OTOP1: variants seen among roughly 807,000 people sequenced by gnomAD.
OTOP1 encodes the protein otopetrin 1, also known as proton channel OTOP1.
Under a neutral mutation model 52.9 loss-of-function variants are expected in OTOP1, and 59 were observed. That is an observed-to-expected ratio of 1.12 (90% CI 0.91 to 1.39). OTOP1 has a LOEUF of 1.39. Among genes scored for constraint, OTOP1 ranks in the 40% most tolerant of loss-of-function variants. The probability of loss-of-function intolerance (pLI) is 0.00; values close to 1 mark genes in which losing one functional copy is unlikely to be tolerated. For synonymous variants in OTOP1, 317 were observed against 337.7 expected (o/e 0.94, Z 0.67); for missense variants, 761 against 800.9 (o/e 0.95, Z 0.60).
At chr4:4,211,506 A>G (rs1463336831) in intron 2 of OTOP1, among the ~76,000 whole-genome samples, 1 of 152,226 alleles carries the variant, frequency 6.6e-6, no homozygotes, top group African/African-American at 2.4e-5. Flanking sequence ...TCTGGAGGAC[A>G]TTGTGCTCAG....
chr4:4,204,736 G>A (rs908074568), intron 3 of OTOP1, among the ~76,000 whole-genome samples: 6 of 151,342 alleles, frequency 4.0e-5, no homozygotes, highest in African/African-American at 1.2e-4. Flanking sequence ...GTGTGTGTGT[G>A]TGTGTGTGTG....
chr4:4,211,727 A>C (rs1717031012), intron 2 of OTOP1, among the ~76,000 whole-genome samples: 1 of 152,092 alleles, frequency 6.6e-6, no homozygotes, highest in South Asian at 2.1e-4. Flanking sequence ...GCACCACTGC[A>C]CTCCACCCTG....
chr4:4,216,214 G>A (rs1394974683), intron 1 of OTOP1, among the ~76,000 whole-genome samples: 1 of 152,076 alleles, frequency 6.6e-6, no homozygotes, highest in Admixed American at 6.6e-5. Context: ...TAATGAGCAT[G>A]GTTTTGCCCA....
In OTOP1 at chr4:4,206,052, C is replaced by T; in HGVS notation, c.599+20G>A. The T allele has an allele frequency of 6.3e-7, 1 of 1,581,120 alleles. No homozygotes were observed. Among genetic ancestry groups the T allele is most frequent in the East Asian group, 2.2e-5 (1 of 44,658 alleles). ...TGAATGCCAAATTCAACATATAAAG[C>T]AATTACCCACAATTTTTACCTTTCC... On this transcript the variant is annotated intron_variant, in intron 3 of 5. Coordinates refer to ENST00000296358, the MANE Select transcript of OTOP1 (RefSeq NM_177998.3).
chr4:4,226,450 G>C lies in OTOP1; in HGVS notation c.403+12C>G. The stretch of plus-strand genomic sequence containing the variant: ...GGAGGCGGAGACCCGCTCGCCCGGC[G>C]CCTGGACTCACCGCGCAGCCAGCCG... On this transcript the variant is annotated intron_variant, in intron 1 of 5. Transcript: ENST00000296358. The C allele has an allele frequency of 6.8e-7, 1 of 1,460,694 alleles. No individual in the cohort carries two copies. Among genetic ancestry groups the C allele is most frequent in the Non-Finnish European group, 9.0e-7 (1 of 1,112,368 alleles). The allele number at this position is 1,460,694 out of a possible 1,614,324, so 90.5% of individuals were successfully genotyped here.
chr4:4,213,854 C>A (rs1242929038), intron 1 of OTOP1, among the ~76,000 whole-genome samples: 1 of 152,076 alleles, frequency 6.6e-6, no homozygotes, highest in Admixed American at 6.6e-5. Flanking sequence ...CTTTGGGAGG[C>A]CGAGGAGTGT....
At chr4:4,220,071 ATATG>A (rs1446728589) in intron 1 of OTOP1, among the ~76,000 whole-genome samples, 7 of 122,810 alleles carry the variant, frequency 5.7e-5, no homozygotes, top group Admixed American at 9.9e-5. Flanking sequence ...ATATACATAT[ATATG>A]TATACATATA....
chr4:4,198,902 C>T (rs1208052176), intron 4 of OTOP1, among the ~76,000 whole-genome samples: 4 of 152,172 alleles, frequency 2.6e-5, no homozygotes, highest in Non-Finnish European at 2.9e-5. Flanking sequence ...ATCAAAGAGT[C>T]AGGTAAGGCC....
At chr4:4,213,527 G>C (rs1717068437) in intron 1 of OTOP1, among the ~76,000 whole-genome samples, 1 of 152,124 alleles carries the variant, frequency 6.6e-6, no homozygotes, top group Non-Finnish European at 1.5e-5. Flanking sequence ...ATACAGATTT[G>C]TTTACATTAA....
At chr4:4,195,730 C>T (rs1291503425) in intron 5 of OTOP1, among the ~76,000 whole-genome samples, 1 of 152,206 alleles carries the variant, frequency 6.6e-6, no homozygotes, top group Non-Finnish European at 1.5e-5. Context: ...CTATCACTTG[C>T]AACCAAAAGC....
chr4:4,225,882 G>T (rs1382079506), intron 1 of OTOP1, among the ~76,000 whole-genome samples: 2 of 152,338 alleles, frequency 1.3e-5, no homozygotes, highest in East Asian at 3.9e-4. Context: ...AAGCCGGGAG[G>T]AGAAGGGGGT....
intron 5 of OTOP1, among the ~76,000 whole-genome samples, 186 bp from the exon 6 acceptor site, chr4:4,189,159 C>T (rs1716449244): frequency 6.6e-6 from 1 of 152,194 alleles, no homozygotes; most frequent in South Asian, 2.1e-4. Context: ...TCCATGTCTG[C>T]CATGATCCTG....
intron 2 of OTOP1, among the ~76,000 whole-genome samples, chr4:4,207,339 A>C (rs981920218): frequency 5.3e-5 from 8 of 152,210 alleles, no homozygotes; most frequent in Non-Finnish European, 8.8e-5. Context: ...CCAACATTGA[A>C]AACTTTTTTT....
intron 1 of OTOP1, among the ~76,000 whole-genome samples, chr4:4,213,795 A>T (rs1717077109): frequency 6.6e-6 from 1 of 152,138 alleles, no homozygotes. Flanking sequence ...ATTCTTATAT[A>T]TTAACAACAA....
rs777204439 is a variant in OTOP1 at position 4,202,577 on chromosome 4, A to C, written c.601T>G (p.Phe201Val). The change falls in exon 4 of 6, where the codon TTT (phenylalanine) becomes GTT (valine). Residue 201 changes from phenylalanine (F) to valine (V), a missense_variant and splice_region_variant. Physicochemically the swap from Phe to Val is conservative, Grantham distance 50. Coordinates refer to ENST00000296358, the MANE Select transcript of OTOP1 (RefSeq NM_177998.3). Reference sequence around the variant, plus strand: ...GTGAACACCGAGTGGATCACTCCAAACCTGAAAAACACAAGGACTCAGTTC... The same window carrying C: ...GTGAACACCGAGTGGATCACTCCAACCCTGAAAAACACAAGGACTCAGTTC... ...IIQSFKTLERFGVIHSVFTNL... is the reference protein window; with the variant it reads ...IIQSFKTLERVGVIHSVFTNL... 1.2e-6 allele frequency: 2 copies of C among 1,613,546 alleles called. No homozygotes were observed. The highest frequency in any genetic ancestry group is 1.7e-6 in the Non-Finnish European group (2 of 1,179,628).
chr4:4,220,105 A>ATATTTTT (rs1434375771), intron 1 of OTOP1, among the ~76,000 whole-genome samples: 2 of 59,396 alleles, frequency 3.4e-5, no homozygotes, highest in African/African-American at 5.1e-5. Context: ...ATATATATAT[A>ATATTTTT]TTTTTTTTTT....
chr4:4,212,949 T>A lies in OTOP1; in HGVS notation c.459A>T (p.Gly153=). The A allele has an allele frequency of 1.2e-6, 2 of 1,614,056 alleles. No individual in the cohort carries two copies. The highest frequency in any genetic ancestry group is 1.7e-6 in the Non-Finnish European group (2 of 1,179,918). ...AACATTCTGAAAATCCAATGAAGTA[T>A]CCAATTTTAAGGCATCCCAGGATGA... The part of the protein sequence containing the change: ...ITVILGCLKI[G]YFIGFSECLS... The change falls in exon 2 of 6, where the codon GGA becomes GGT. Residue 153 remains glycine (G), a synonymous_variant. Coordinates refer to ENST00000296358, the MANE Select transcript of OTOP1 (RefSeq NM_177998.3).
intron 1 of OTOP1, among the ~76,000 whole-genome samples, chr4:4,215,127 T>A (rs1717111172): frequency 2.6e-5 from 4 of 151,892 alleles, no homozygotes; most frequent in African/African-American, 7.3e-5. Flanking sequence ...TATTTCTAAA[T>A]AAATAAATGA....
chr4:4,199,276 G>GAGAGAGAGAGAGAGAGAGA (rs1716725020), intron 4 of OTOP1, among the ~76,000 whole-genome samples: 2 of 134,214 alleles, frequency 1.5e-5, no homozygotes, highest in African/African-American at 5.6e-5. Context: ...GAGAGAGAGA[G>GAGAGAGAGAGAGAGAGAGA]GAACAGCTCA....
Sources: allele counts gnomAD v4.1 joint callset (sites outside exome capture counted in the v4.1 genomes callset), GRCh38; gene constraint gnomAD v4.1.1; transcripts MANE v1.5; gene names NCBI Gene and HGNC (gene_info 2026-07-23, HGNC 2026-07-21).